The following STARD13 variants were observed in gnomAD, a reference collection of about 807,000 sequenced individuals.
STARD13 encodes StAR related lipid transfer domain containing 13.
STARD13 carries 62 observed loss-of-function variants against 106.4 expected under a neutral mutation model. The observed-to-expected ratio is 0.58, with a 90% CI of 0.48 to 0.72. STARD13 has a LOEUF of 0.72. Ranked by LOEUF, STARD13 falls within the 30% of genes least tolerant of loss-of-function variation. The pLI is 0.00. For missense variants in STARD13, 1,387 were observed against 1,424.0 expected (o/e 0.97, Z 0.42); for synonymous variants, 565 against 553.0 (o/e 1.02, Z -0.31).
At chr13:33,372,929 G>C in the STARD13 span, among the ~76,000 whole-genome samples, 1 of 151,996 alleles carries the variant, frequency 6.6e-6, no homozygotes, top group African/African-American at 2.4e-5. Flanking sequence ...TGATGAATTT[G>C]ATTACATTAA....
the STARD13 span, among the ~76,000 whole-genome samples, chr13:33,368,903 A>G: frequency 2.6e-5 from 4 of 152,078 alleles, no homozygotes; most frequent in Non-Finnish European, 5.9e-5. Context: ...TAGAGATTCC[A>G]GCACAACACA....
At chr13:33,300,486 A>C (rs73468201) in intron 1 of STARD13, among the ~76,000 whole-genome samples, 2,251 of 152,346 alleles carry the variant, frequency 0.015, 50 homozygotes, top group African/African-American at 0.051. Flanking sequence ...CGTATGAATT[A>C]AAAGGGTGGA....
chr13:33,515,525 A>G, the STARD13 span, among the ~76,000 whole-genome samples: 2 of 152,198 alleles, frequency 1.3e-5, no homozygotes, highest in Non-Finnish European at 2.9e-5. Flanking sequence ...AATGAAGGAC[A>G]GGAAAGCCTC....
chr13:33,133,763 C>A (rs1276400398), intron 4 of STARD13, among the ~76,000 whole-genome samples: 1 of 151,872 alleles, frequency 6.6e-6, no homozygotes, highest in Non-Finnish European at 1.5e-5. Flanking sequence ...TTGTGATCCA[C>A]CAAATTCACT....
At chr13:33,175,402 A>G (rs990186409) in intron 1 of STARD13, among the ~76,000 whole-genome samples, 16 of 152,202 alleles carry the variant, frequency 1.1e-4, no homozygotes, top group Non-Finnish European at 2.4e-4. Flanking sequence ...AGAGCATCAT[A>G]ATTTGCAAGC....
the STARD13 span, among the ~76,000 whole-genome samples, chr13:33,518,062 T>A: frequency 6.6e-6 from 1 of 152,014 alleles, no homozygotes; most frequent in African/African-American, 2.4e-5. Flanking sequence ...AGGGAATCAG[T>A]GAGACTAGAA....
chr13:33,249,190 G>A (rs988681556), intron 1 of STARD13, among the ~76,000 whole-genome samples: 1 of 152,146 alleles, frequency 6.6e-6, no homozygotes, highest in African/African-American at 2.4e-5. Flanking sequence ...GGAGGATTTC[G>A]AAGCAGGGAA....
At chr13:33,382,796 C>T in the STARD13 span, among the ~76,000 whole-genome samples, 1 of 152,190 alleles carries the variant, frequency 6.6e-6, no homozygotes, top group African/African-American at 2.4e-5. Context: ...AATAAATGCT[C>T]TTCCACCGAT....
chr13:33,553,503 T>C, the STARD13 span, among the ~76,000 whole-genome samples: 1 of 151,882 alleles, frequency 6.6e-6, no homozygotes, highest in Non-Finnish European at 1.5e-5. Flanking sequence ...TATACCAATA[T>C]GTTAATAGTA....
intron 8 of STARD13, chr13:33,113,423 C>T (rs1206475757): frequency 2.2e-6 from 1 of 447,042 alleles, no homozygotes; most frequent in Non-Finnish European, 4.5e-6. Flanking sequence ...GTTTCTCCAC[C>T]CCTGCCAGCC....
chr13:33,128,112 A>G (rs1268834718), intron 5 of STARD13, among the ~76,000 whole-genome samples: 3 of 151,942 alleles, frequency 2.0e-5, no homozygotes, highest in African/African-American at 7.3e-5. Flanking sequence ...GAGAGAGGGA[A>G]GACAGAGATA....
rs763010070 is a variant in STARD13, at chr13:33,118,278, T to C, written c.2083-15A>G. 4.1e-5 allele frequency: 66 copies of C among 1,610,714 alleles called. 1 individual carries two copies. Among genetic ancestry groups the C allele is most frequent in the Non-Finnish European group, 3.2e-5 (38 of 1,177,066 alleles). On this transcript the variant is annotated splice_polypyrimidine_tract_variant and intron_variant, in intron 7 of 13. Transcript: ENST00000336934. ...AAAAGACCCACCTGAAACAAAGCCATAGGGATGTGTCAGCCAGGCCACACT... is the reference window on the plus strand; with the variant it reads ...AAAAGACCCACCTGAAACAAAGCCACAGGGATGTGTCAGCCAGGCCACACT...
intron 1 of STARD13, among the ~76,000 whole-genome samples, chr13:33,241,800 C>T (rs1241525873): frequency 6.6e-6 from 1 of 152,176 alleles, no homozygotes; most frequent in African/African-American, 2.4e-5. Flanking sequence ...CCTCAGCCTC[C>T]CGAGGTGCCG....
the STARD13 span, among the ~76,000 whole-genome samples, chr13:33,592,892 A>C: frequency 6.6e-6 from 1 of 152,262 alleles, no homozygotes; most frequent in Admixed American, 6.5e-5. Context: ...AGTTCTGGAC[A>C]ACAGGCTGGA....
chr13:33,559,817 A>C, the STARD13 span, among the ~76,000 whole-genome samples: 8 of 151,586 alleles, frequency 5.3e-5, 1 homozygote, highest in African/African-American at 2.0e-4. Context: ...AGATCACGCC[A>C]CTGCACTCCA....
the STARD13 span, among the ~76,000 whole-genome samples, chr13:33,645,929 C>T: frequency 2.6e-5 from 4 of 152,142 alleles, no homozygotes; most frequent in East Asian, 1.9e-4. Context: ...ACTATTGCAA[C>T]TAATTAAGAA....
At chr13:33,396,300 T>C in the STARD13 span, among the ~76,000 whole-genome samples, 1 of 152,224 alleles carries the variant, frequency 6.6e-6, no homozygotes, top group Non-Finnish European at 1.5e-5. Flanking sequence ...CCAACCAAGA[T>C]GTGCTTCTCC....
At chr13:33,176,360 C>T (rs990667096) in intron 1 of STARD13, among the ~76,000 whole-genome samples, 5 of 152,150 alleles carry the variant, frequency 3.3e-5, no homozygotes, top group African/African-American at 1.2e-4. Flanking sequence ...ACCCTTTCTA[C>T]TTGTCTGCTG....
At chr13:33,149,718 T>C (rs1881015408) in intron 3 of STARD13, among the ~76,000 whole-genome samples, 2 of 152,204 alleles carry the variant, frequency 1.3e-5, no homozygotes, top group Admixed American at 6.5e-5. Flanking sequence ...CTAGATTCTG[T>C]AAGAATACAA....
Sources: gnomAD v4.1 joint callset for allele counts (sites outside exome capture counted in the v4.1 genomes callset) on GRCh38, gnomAD v4.1.1 for gene constraint, MANE v1.5 for transcripts, NCBI Gene and HGNC (gene_info 2026-07-23, HGNC 2026-07-21) for gene names.